The following OPCML variants were observed in gnomAD, a reference collection of about 807,000 sequenced individuals.
The protein encoded by OPCML is opioid-binding protein/cell adhesion molecule.
Under a neutral mutation model 37.8 loss-of-function variants are expected in OPCML, and 13 were observed. The ratio of observed to expected loss-of-function variants is 0.34; its 90% CI spans 0.22 to 0.55. The LOEUF is 0.55. OPCML is among the 20% of genes least tolerant of loss of function. The pLI is 0.91. For missense variants in OPCML, 341 were observed against 435.6 expected, an observed-to-expected ratio of 0.78 and a Z score of 1.93; for synonymous variants, 176 against 168.8, an observed-to-expected ratio of 1.04 and a Z score of -0.33.
At chr11:132,626,495 T>C (rs1478531882) in intron 3 of OPCML, among the ~76,000 whole-genome samples, 1 of 152,150 alleles carries the variant, frequency 6.6e-6, no homozygotes, top group South Asian at 2.1e-4. Context: ...TAGATTTTGA[T>C]GTTAAAAATA....
At chr11:133,213,250 G>A in intron 1 of OPCML, among the ~76,000 whole-genome samples, 1 of 132,104 alleles carries the variant, frequency 7.6e-6, no homozygotes, top group Non-Finnish European at 1.6e-5. Flanking sequence ...TTTGCCAAAT[G>A]TTGCTCATCA....
intron 1 of OPCML, among the ~76,000 whole-genome samples, chr11:133,449,885 A>G (rs1301507750): frequency 6.6e-6 from 1 of 151,752 alleles, no homozygotes; most frequent in East Asian, 1.9e-4. Flanking sequence ...GGTTTAGGCT[A>G]ATCATGGTAA....
chr11:132,656,077 G>C (rs145608536), intron 3 of OPCML, among the ~76,000 whole-genome samples: 1 of 152,204 alleles, frequency 6.6e-6, no homozygotes, highest in East Asian at 1.9e-4. Context: ...ACGAGGCTCT[G>C]AAAGAAGTCC....
intron 3 of OPCML, among the ~76,000 whole-genome samples, chr11:132,536,566 G>T (rs973831728): frequency 6.6e-6 from 1 of 152,138 alleles, no homozygotes; most frequent in African/African-American, 2.4e-5. Context: ...AATATTAAGA[G>T]ACCATGTGAA....
chr11:133,189,032 C>A (rs1938202083), intron 1 of OPCML, among the ~76,000 whole-genome samples: 1 of 152,108 alleles, frequency 6.6e-6, no homozygotes, highest in East Asian at 1.9e-4. Flanking sequence ...ACTCCCCACT[C>A]CTCAAATAAA....
chr11:133,310,344 GTCTC>G (rs1340190828), intron 1 of OPCML, among the ~76,000 whole-genome samples: 2 of 152,150 alleles, frequency 1.3e-5, no homozygotes, highest in African/African-American at 2.4e-5. Context: ...GGAAGTTTCA[GTCTC>G]TCTCTATGCA....
At chr11:133,421,765 T>C (rs1320213252) in intron 1 of OPCML, 1 of 985,300 alleles carries the variant, frequency 1.0e-6, no homozygotes, top group Non-Finnish European at 1.2e-6. Context: ...CCAACAGTCC[T>C]TAATGCTCTG....
chr11:132,956,281 C>A (rs1364573719), intron 1 of OPCML, among the ~76,000 whole-genome samples: 1 of 152,104 alleles, frequency 6.6e-6, no homozygotes, highest in Non-Finnish European at 1.5e-5. Context: ...ACGTGGCTAA[C>A]AAGCAATGAA....
chr11:132,566,814 C>T (rs921463355), intron 3 of OPCML, among the ~76,000 whole-genome samples: 21 of 151,924 alleles, frequency 1.4e-4, no homozygotes, highest in African/African-American at 4.1e-4. Context: ...ATGTCTAAGT[C>T]GAGATGCAAA....
At chr11:133,277,636 T>C (rs1339016805) in intron 1 of OPCML, among the ~76,000 whole-genome samples, 1 of 152,114 alleles carries the variant, frequency 6.6e-6, no homozygotes, top group Non-Finnish European at 1.5e-5. Flanking sequence ...ACTGAATGAT[T>C]CCTTATCATA....
chr11:132,610,919 T>C, intron 3 of OPCML, among the ~76,000 whole-genome samples: 1 of 152,212 alleles, frequency 6.6e-6, no homozygotes, highest in East Asian at 1.9e-4. Flanking sequence ...ATCTCATCTA[T>C]ACCTCAGGGG....
intron 1 of OPCML, among the ~76,000 whole-genome samples, chr11:132,951,055 G>A (rs576983919): frequency 1.3e-5 from 2 of 152,268 alleles, no homozygotes; most frequent in African/African-American, 4.8e-5. Flanking sequence ...GAAGACTGGA[G>A]CAAACACAGG....
chr11:133,377,976 G>A (rs1364144025), intron 1 of OPCML, among the ~76,000 whole-genome samples: 1 of 152,214 alleles, frequency 6.6e-6, no homozygotes, highest in African/African-American at 2.4e-5. Flanking sequence ...GACAGCACTA[G>A]CTGTTACAAA....
At chr11:133,023,673 C>A (rs2136907152) in intron 1 of OPCML, among the ~76,000 whole-genome samples, 1 of 152,262 alleles carries the variant, frequency 6.6e-6, no homozygotes, top group South Asian at 2.1e-4. Context: ...AGATTGAATT[C>A]AAATTTAGTT....
chr11:132,838,218 G>A (rs1428517562), intron 2 of OPCML, among the ~76,000 whole-genome samples: 1 of 151,996 alleles, frequency 6.6e-6, no homozygotes, highest in East Asian at 1.9e-4. Context: ...CACCATTTGG[G>A]GCCTAGGTAA....
chr11:132,541,149 T>C (rs1022060222), intron 3 of OPCML, among the ~76,000 whole-genome samples: 1 of 152,196 alleles, frequency 6.6e-6, no homozygotes, highest in African/African-American at 2.4e-5. Flanking sequence ...TGCTGTGAGG[T>C]GGTGGCCAAG....
intron 1 of OPCML, among the ~76,000 whole-genome samples, chr11:133,404,950 T>G (rs1288823877): frequency 6.6e-6 from 1 of 152,100 alleles, no homozygotes; most frequent in African/African-American, 2.4e-5. Context: ...AGCAGGAAAA[T>G]GGAACTTGAC....
intron 7 of OPCML, among the ~76,000 whole-genome samples, chr11:132,430,828 C>A (rs189430890): frequency 1.4e-3 from 214 of 152,266 alleles, no homozygotes; most frequent in Non-Finnish European, 2.5e-3. Flanking sequence ...CGTTTACATG[C>A]CTCATTAAGC....
chr11:132,864,972 G>A (rs1001907197), intron 2 of OPCML, among the ~76,000 whole-genome samples: 5 of 152,230 alleles, frequency 3.3e-5, no homozygotes, highest in Admixed American at 6.5e-5. Flanking sequence ...AGCGGACAGC[G>A]AGCCCCTGGC....
Sources: allele counts gnomAD v4.1 joint callset (sites outside exome capture counted in the v4.1 genomes callset), GRCh38; gene constraint gnomAD v4.1.1; transcripts MANE v1.5; gene names NCBI Gene and HGNC (gene_info 2026-07-23, HGNC 2026-07-21).